LUZP2: variants seen among roughly 807,000 people sequenced by gnomAD.
The protein encoded by LUZP2 is leucine zipper protein 2.
In LUZP2, 52 loss-of-function variants were observed where a neutral mutation model predicts 51.6. That is an observed-to-expected ratio of 1.01 (90% CI 0.81 to 1.27). The LOEUF is 1.27. Ranked by LOEUF, LUZP2 falls within the 50% of genes most tolerant of loss-of-function variation. LUZP2 has a pLI of 0.00. For synonymous variants in LUZP2, 154 were observed against 137.3 expected (o/e 1.12, Z -0.85); for missense variants, 436 against 395.4 (o/e 1.10, Z -0.87).
At chr11:24,985,335 A>G (rs1218984166) in intron 9 of LUZP2, among the ~76,000 whole-genome samples, 1 of 151,702 alleles carries the variant, frequency 6.6e-6, no homozygotes, top group African/African-American at 2.4e-5. Context: ...ACCTGGATAC[A>G]AACACACAGG....
intron 1 of LUZP2, among the ~76,000 whole-genome samples, chr11:24,678,183 A>G (rs1856629590): frequency 6.6e-6 from 1 of 151,048 alleles, no homozygotes; most frequent in African/African-American, 2.4e-5. Context: ...CATACTGGGT[A>G]TTTTAATCAC....
At chr11:24,632,827 G>GAT (rs1387090079) in intron 1 of LUZP2, among the ~76,000 whole-genome samples, 1 of 152,018 alleles carries the variant, frequency 6.6e-6, no homozygotes, top group African/African-American at 2.4e-5. Context: ...GAAGTTGTCA[G>GAT]ATATATGCAT....
intron 7 of LUZP2, among the ~76,000 whole-genome samples, chr11:24,949,510 C>T (rs1409036495): frequency 6.6e-6 from 1 of 151,538 alleles, no homozygotes; most frequent in Non-Finnish European, 1.5e-5. Flanking sequence ...GTTGATGTTT[C>T]TTTTCTTCTT....
intron 1 of LUZP2, among the ~76,000 whole-genome samples, chr11:24,577,951 C>G (rs1852711991): frequency 6.6e-6 from 1 of 151,972 alleles, no homozygotes; most frequent in South Asian, 2.1e-4. Flanking sequence ...CATTTCAGGC[C>G]CACGATGATG....
intron 3 of LUZP2, among the ~76,000 whole-genome samples, chr11:24,733,217 GAC>G (rs1169469601): frequency 6.6e-6 from 1 of 151,694 alleles, no homozygotes; most frequent in East Asian, 1.9e-4. Context: ...TATTTATAGT[GAC>G]ATGTTTATTA....
chr11:24,732,842 T>C (rs926144838), intron 3 of LUZP2, among the ~76,000 whole-genome samples: 1 of 151,790 alleles, frequency 6.6e-6, no homozygotes, highest in African/African-American at 2.4e-5. Context: ...TCTTGTTTCA[T>C]CTTCACAACT....
chr11:25,019,502 A>T (rs1590842632), intron 9 of LUZP2, among the ~76,000 whole-genome samples: 1 of 152,212 alleles, frequency 6.6e-6, no homozygotes, highest in Middle Eastern at 3.4e-3. Flanking sequence ...ATTTTTAATT[A>T]TTATTATTTT....
chr11:24,566,508 G>A (rs920220659), intron 1 of LUZP2, among the ~76,000 whole-genome samples: 1 of 147,008 alleles, frequency 6.8e-6, no homozygotes, highest in Non-Finnish European at 1.5e-5. Flanking sequence ...TAATTTGTGT[G>A]TGTGTGTATG....
intron 7 of LUZP2, among the ~76,000 whole-genome samples, chr11:24,919,826 A>G (rs1469472528): frequency 6.6e-6 from 1 of 151,176 alleles, no homozygotes; most frequent in Non-Finnish European, 1.5e-5. Flanking sequence ...GATTTTCAAA[A>G]GAAATACAAT....
chr11:24,884,172 A>G (rs1852590037), intron 5 of LUZP2, among the ~76,000 whole-genome samples: 1 of 152,046 alleles, frequency 6.6e-6, no homozygotes, highest in Admixed American at 6.6e-5. Context: ...TAAACCATAA[A>G]TTACTTTCTT....
At chr11:24,804,608 C>A (rs1054776230) in intron 5 of LUZP2, among the ~76,000 whole-genome samples, 1 of 152,142 alleles carries the variant, frequency 6.6e-6, no homozygotes, top group Non-Finnish European at 1.5e-5. Flanking sequence ...ATCTTAGCAT[C>A]TCTCTATCTT....
intron 1 of LUZP2, among the ~76,000 whole-genome samples, chr11:24,651,894 A>AT (rs1855634203): frequency 6.6e-6 from 1 of 152,122 alleles, no homozygotes; most frequent in Non-Finnish European, 1.5e-5. Context: ...TTCAGCCTAC[A>AT]GTCTACCTTG....
chr11:25,077,433 G>T, intron 11 of LUZP2, 27 bp downstream of exon 11: 2 of 1,360,112 alleles, frequency 1.5e-6, no homozygotes, highest in Non-Finnish European at 2.1e-6. Context: ...TTTCGTTTGT[G>T]TCAAAAAGCA....
intron 1 of LUZP2, among the ~76,000 whole-genome samples, chr11:24,692,568 G>C (rs1297553210): frequency 1.3e-5 from 2 of 152,014 alleles, no homozygotes; most frequent in Non-Finnish European, 2.9e-5. Context: ...CCAAAAAATT[G>C]AAATAAATGT....
chr11:24,956,894 T>C (rs1180114861), intron 7 of LUZP2, among the ~76,000 whole-genome samples: 6 of 152,138 alleles, frequency 3.9e-5, no homozygotes, highest in Admixed American at 3.9e-4. Context: ...GAAGAATCTC[T>C]AGTTTAAAGT....
At chr11:24,905,280 C>T (rs1175175816) in intron 5 of LUZP2, among the ~76,000 whole-genome samples, 1 of 152,118 alleles carries the variant, frequency 6.6e-6, no homozygotes, top group East Asian at 1.9e-4. Flanking sequence ...AATCCCAGCA[C>T]TTTGTGAGGC....
chr11:25,032,771 A>G (rs1857728748), intron 9 of LUZP2, among the ~76,000 whole-genome samples: 1 of 152,176 alleles, frequency 6.6e-6, no homozygotes, highest in African/African-American at 2.4e-5. Context: ...TTCAAGAGAT[A>G]TGAATTCCCA....
At chr11:24,497,457 C>A (rs1393896212) in intron 1 of LUZP2, 152 bp downstream of exon 1, 2 of 484,180 alleles carry the variant, frequency 4.1e-6, no homozygotes, top group Admixed American at 4.3e-5. Flanking sequence ...GCTCTGAAAT[C>A]CTTCTGAGAG....
intron 9 of LUZP2, among the ~76,000 whole-genome samples, chr11:25,016,791 G>A (rs1266465477): frequency 2.0e-5 from 3 of 151,996 alleles, no homozygotes; most frequent in African/African-American, 4.8e-5. Flanking sequence ...GTAGATACAC[G>A]GTAGTGAGAT....
Sources: gnomAD v4.1 joint callset for allele counts (sites outside exome capture counted in the v4.1 genomes callset) on GRCh38, gnomAD v4.1.1 for gene constraint, MANE v1.5 for transcripts, NCBI Gene and HGNC (gene_info 2026-07-23, HGNC 2026-07-21) for gene names.